The following BEND4 variants were observed in gnomAD, a reference collection of about 807,000 sequenced individuals.
The protein encoded by BEND4 is BEN domain containing 4.
In BEND4, 27 loss-of-function variants were observed where a neutral mutation model predicts 54.7. The ratio of observed to expected loss-of-function variants is 0.49; its 90% CI spans 0.36 to 0.68. The LOEUF (loss-of-function observed/expected upper bound fraction) is 0.68, where lower values mean the gene tolerates loss of function less well. BEND4 is among the 30% of genes least tolerant of loss of function. The pLI, the probability that BEND4 is intolerant of heterozygous loss-of-function variation, is 0.00. For synonymous variants in BEND4, 327 were observed against 299.5 expected (o/e 1.09, Z -0.95); for missense variants, 702 against 697.2 (o/e 1.01, Z -0.08).
intron 3 of BEND4, among the ~76,000 whole-genome samples, chr4:42,134,439 T>A (rs974754810): frequency 5.3e-5 from 8 of 152,224 alleles, no homozygotes; most frequent in Admixed American, 6.5e-5. Flanking sequence ...GAGCTTTAAG[T>A]ATTAGCCTAC....
At chr4:42,130,769 T>C (rs776038306) in intron 3 of BEND4, among the ~76,000 whole-genome samples, 5 of 152,204 alleles carry the variant, frequency 3.3e-5, no homozygotes, top group Non-Finnish European at 5.9e-5. Flanking sequence ...CACGTGTATG[T>C]TCACTGCAGC....
chr4:42,117,688 A>G lies in BEND4; in HGVS notation c.1435T>C (p.Ser479Pro). ...CTSNPDWWMPSEEQINKVFSD... is the reference protein window; with the variant it reads ...CTSNPDWWMPPEEQINKVFSD... ...AACACTTTGTTTATCTGCTCTTCCG[A>G]GGGCATCCACCAATCGGGGTTGGAG... The change falls in exon 6 of 6, where the codon TCG becomes CCG. Residue 479 changes from serine (S) to proline (P), a missense_variant. Ser to Pro is a moderately conservative substitution (Grantham distance 74). Transcript: ENST00000502486. 6.2e-7 allele frequency: 1 copy of G among 1,610,232 alleles called. No individual in the cohort carries two copies. The highest frequency in any genetic ancestry group is 8.5e-7 in the Non-Finnish European group (1 of 1,178,236).
chr4:42,124,374 T>C (rs1720189707), intron 4 of BEND4, among the ~76,000 whole-genome samples: 1 of 151,412 alleles, frequency 6.6e-6, no homozygotes, highest in East Asian at 1.9e-4. Flanking sequence ...AACAAATAAA[T>C]AGGAAACATA....
At position 42,111,560 on chromosome 4, in the gene BEND4, C is replaced by A. The variant is rs555336502; in HGVS notation, c.*5958G>T. ...AGGACCCTCATGGCCTTGGCATGCT[C>A]TTGAACTTAAACACAGCCAAAGGGA... On this transcript the variant is annotated 3_prime_UTR_variant, in exon 6 of 6. Coordinates refer to ENST00000502486, the MANE Select transcript of BEND4 (RefSeq NM_207406.4). 1 of 152,314 alleles carries A rather than the reference C, an allele frequency of 6.6e-6. No individual in the cohort carries two copies. Among genetic ancestry groups the A allele is most frequent in the South Asian group, 2.1e-4 (1 of 4,822 alleles). 9.4% of individuals were successfully genotyped at this position (152,314 alleles called of 1,614,324 possible). A position where few individuals can be genotyped will look rare whatever the true frequency, so the allele number is the denominator to read the frequency against.
At chr4:42,143,245 G>A (rs997982258) in intron 3 of BEND4, among the ~76,000 whole-genome samples, 183 bp downstream of exon 3, 3 of 152,186 alleles carry the variant, frequency 2.0e-5, no homozygotes, top group African/African-American at 2.4e-5. Context: ...GGCACTGGAC[G>A]GGCTGAGAAG....
intron 3 of BEND4, among the ~76,000 whole-genome samples, chr4:42,134,644 G>C (rs1000592183): frequency 6.6e-6 from 1 of 152,180 alleles, no homozygotes; most frequent in Non-Finnish European, 1.5e-5. Context: ...GACGCATATA[G>C]AGTAACAATT....
At chr4:42,129,324 C>T (rs1305215160) in intron 3 of BEND4, among the ~76,000 whole-genome samples, 1 of 152,164 alleles carries the variant, frequency 6.6e-6, no homozygotes, top group East Asian at 1.9e-4. Context: ...TAGGAAGAAT[C>T]AATATCATGA....
chr4:42,137,685 C>G (rs868170932), intron 3 of BEND4, among the ~76,000 whole-genome samples: 2 of 152,014 alleles, frequency 1.3e-5, no homozygotes, highest in African/African-American at 4.8e-5. Flanking sequence ...AATGAAACAG[C>G]AATCTATGGT....
At chr4:42,127,973 G>A (rs759275388) in intron 3 of BEND4, among the ~76,000 whole-genome samples, 35 of 151,934 alleles carry the variant, frequency 2.3e-4, no homozygotes, top group Non-Finnish European at 5.9e-5. Flanking sequence ...GACTAGCCTC[G>A]GAAACACAGC....
chr4:42,133,661 T>C (rs1397176777), intron 3 of BEND4, among the ~76,000 whole-genome samples: 1 of 152,098 alleles, frequency 6.6e-6, no homozygotes, highest in African/African-American at 2.4e-5. Context: ...GAGACCATCC[T>C]GGGCTAACAT....
At position 42,127,545 on chromosome 4, in the gene BEND4, A is replaced by G. The variant is rs138026608; in HGVS notation, c.1055-1871T>C. Among the ~76,000 whole-genome samples, 947 of 152,282 alleles carry G rather than the reference A, an allele frequency of 6.2e-3. 11 individuals carry two copies. Among genetic ancestry groups the G allele is most frequent in the African/African-American group, 0.022 (917 of 41,548 alleles). On this transcript the variant is annotated intron_variant, in intron 3 of 5. Transcript: ENST00000502486. ...GCATTAATTGCTGGAAAAAACCCTA[A>G]GTCTTGAGAAACAAATGGAGACAGG... is the stretch of plus-strand genomic sequence containing the variant.
chr4:42,146,097 C>T (rs540894314), intron 2 of BEND4, among the ~76,000 whole-genome samples: 1 of 152,172 alleles, frequency 6.6e-6, no homozygotes, highest in African/African-American at 2.4e-5. Context: ...CGCCACCTGA[C>T]CCTCCTTCTC....
At chr4:42,134,357 T>G (rs966811627) in intron 3 of BEND4, among the ~76,000 whole-genome samples, 9 of 152,368 alleles carry the variant, frequency 5.9e-5, no homozygotes, top group African/African-American at 2.2e-4. Context: ...TTTAATCATC[T>G]TTACGTGCCC....
intron 3 of BEND4, among the ~76,000 whole-genome samples, chr4:42,141,744 T>C (rs1314113617): frequency 6.6e-6 from 1 of 151,944 alleles, no homozygotes; most frequent in Non-Finnish European, 1.5e-5. Context: ...CCGTCTCAAT[T>C]AAAACAAACA....
At chr4:42,138,097 G>A (rs555556854) in intron 3 of BEND4, among the ~76,000 whole-genome samples, 2 of 152,264 alleles carry the variant, frequency 1.3e-5, no homozygotes, top group Admixed American at 6.5e-5. Context: ...ATACCCAAAG[G>A]AAATGAAATC....
intron 3 of BEND4, among the ~76,000 whole-genome samples, chr4:42,134,696 A>C (rs1379439241): frequency 6.6e-6 from 1 of 152,248 alleles, no homozygotes; most frequent in Admixed American, 6.5e-5. Flanking sequence ...CGTGCTATGA[A>C]AAGTGCTTGC....
chr4:42,140,184 G>T (rs763588745), intron 3 of BEND4, among the ~76,000 whole-genome samples: 2 of 152,186 alleles, frequency 1.3e-5, no homozygotes, highest in Non-Finnish European at 2.9e-5. Context: ...CCTAGGTCAT[G>T]AACACATGGT....
chr4:42,124,192 AAAAACT>A (rs1297399259), intron 4 of BEND4, among the ~76,000 whole-genome samples: 1 of 152,130 alleles, frequency 6.6e-6, no homozygotes, highest in Non-Finnish European at 1.5e-5. Context: ...CCATCTCTAT[AAAAACT>A]AAAAGTTAGC....
At chr4:42,138,649 C>T (rs1276552846) in intron 3 of BEND4, among the ~76,000 whole-genome samples, 8 of 152,134 alleles carry the variant, frequency 5.3e-5, no homozygotes, top group Admixed American at 5.2e-4. Flanking sequence ...ACTACAGTAA[C>T]CTTTTAACTA....
Sources: allele counts gnomAD v4.1 joint callset (sites outside exome capture counted in the v4.1 genomes callset), GRCh38; gene constraint gnomAD v4.1.1; transcripts MANE v1.5; gene names NCBI Gene and HGNC (gene_info 2026-07-23, HGNC 2026-07-21).